Variants in PHACTR1 observed in about 807,000 individuals in gnomAD.
PHACTR1 encodes RPEL repeat containing 1.
Under a neutral mutation model 69.2 loss-of-function variants are expected in PHACTR1, and 16 were observed. The ratio of observed to expected loss-of-function variants is 0.23; its 90% CI spans 0.16 to 0.35. The LOEUF is 0.35. Ranked by LOEUF, PHACTR1 falls within the 10% of genes least tolerant of loss-of-function variation. The probability of loss-of-function intolerance (pLI) is 1.00; values close to 1 mark genes in which losing one functional copy is unlikely to be tolerated. For missense variants in PHACTR1, 510 were observed against 734.7 expected (o/e 0.69, Z 3.54); for synonymous variants, 312 against 284.5 (o/e 1.10, Z -0.97).
At chr6:12,954,341 G>A (rs1371094907) in intron 4 of PHACTR1, among the ~76,000 whole-genome samples, 1 of 151,678 alleles carries the variant, frequency 6.6e-6, no homozygotes, top group Non-Finnish European at 1.5e-5. Flanking sequence ...AAGCTGAGAA[G>A]CTATATGATT....
intron 4 of PHACTR1, among the ~76,000 whole-genome samples, chr6:12,955,484 C>G (rs1053340747): frequency 1.3e-5 from 2 of 152,068 alleles, no homozygotes; most frequent in Non-Finnish European, 2.9e-5. Context: ...AGCCACCATG[C>G]CTGGCCCCAC....
chr6:12,752,408 T>C (rs1285581558), intron 4 of PHACTR1, among the ~76,000 whole-genome samples: 1 of 152,210 alleles, frequency 6.6e-6, no homozygotes, highest in Non-Finnish European at 1.5e-5. Flanking sequence ...TATGAACACT[T>C]AAGCAAGTCC....
At chr6:12,924,157 T>C (rs1430299942) in intron 4 of PHACTR1, among the ~76,000 whole-genome samples, 1 of 152,210 alleles carries the variant, frequency 6.6e-6, no homozygotes, top group East Asian at 1.9e-4. Flanking sequence ...TAAATTGACC[T>C]ACTTTATAAA....
chr6:13,131,013 G>C (rs978522829), intron 5 of PHACTR1, among the ~76,000 whole-genome samples: 2 of 151,896 alleles, frequency 1.3e-5, no homozygotes, highest in African/African-American at 4.8e-5. Flanking sequence ...ATATACAAGT[G>C]AATAAATGTG....
At chr6:13,032,732 C>A (rs891617596) in intron 4 of PHACTR1, among the ~76,000 whole-genome samples, 3 of 151,960 alleles carry the variant, frequency 2.0e-5, no homozygotes, top group Admixed American at 2.0e-4. Context: ...CCTCCCGCCT[C>A]GGCCTCACGA....
intron 10 of PHACTR1, among the ~76,000 whole-genome samples, chr6:13,252,192 A>G (rs1341287907): frequency 1.3e-5 from 2 of 150,706 alleles, no homozygotes; most frequent in African/African-American, 2.4e-5. Context: ...CCTGAGCAAC[A>G]TGGCAAACCC....
At chr6:13,270,368 T>C (rs987088296) in intron 10 of PHACTR1, among the ~76,000 whole-genome samples, 3 of 152,158 alleles carry the variant, frequency 2.0e-5, no homozygotes, top group Non-Finnish European at 4.4e-5. Flanking sequence ...TTTAAGAGTT[T>C]CCATAGAACT....
chr6:13,181,462 T>C (rs1178336234), intron 6 of PHACTR1, among the ~76,000 whole-genome samples: 1 of 152,222 alleles, frequency 6.6e-6, no homozygotes, highest in African/African-American at 2.4e-5. Flanking sequence ...CTTTCAGTCC[T>C]CTTTAAAAAT....
At chr6:13,177,387 A>G (rs1031679636) in intron 6 of PHACTR1, among the ~76,000 whole-genome samples, 4 of 147,624 alleles carry the variant, frequency 2.7e-5, no homozygotes, top group African/African-American at 1.0e-4. Flanking sequence ...CTCTCTATAT[A>G]TATATACACA....
chr6:12,750,260 C>T (rs1766442378), intron 4 of PHACTR1, among the ~76,000 whole-genome samples: 3 of 152,282 alleles, frequency 2.0e-5, no homozygotes, highest in Admixed American at 2.0e-4. Context: ...GGCTGGCCGC[C>T]TGGAACGGAA....
At chr6:12,737,923 A>G (rs1764516111) in intron 3 of PHACTR1, among the ~76,000 whole-genome samples, 1 of 152,218 alleles carries the variant, frequency 6.6e-6, no homozygotes, top group Non-Finnish European at 1.5e-5. Context: ...CCATAACCAC[A>G]GCGCATCTAT....
intron 4 of PHACTR1, among the ~76,000 whole-genome samples, chr6:12,822,442 A>T (rs1776328312): frequency 1.3e-5 from 2 of 152,360 alleles, no homozygotes; most frequent in South Asian, 4.1e-4. Context: ...GCTGGGGCCC[A>T]GCCAGGTGCT....
At chr6:12,881,713 G>T (rs1783113063) in intron 4 of PHACTR1, among the ~76,000 whole-genome samples, 2 of 152,256 alleles carry the variant, frequency 1.3e-5, no homozygotes, top group South Asian at 4.1e-4. Context: ...GCCCAGAAAA[G>T]TGTCTGGAAC....
chr6:13,273,129 G>A (rs892923528), intron 11 of PHACTR1: 16 of 621,010 alleles, frequency 2.6e-5, no homozygotes, highest in Middle Eastern at 4.2e-4. Context: ...AGAAGCTCAC[G>A]GGCGGCAGGC....
At position 13,205,946 on chromosome 6, in the gene PHACTR1, A is replaced by G. The variant is rs1326055657; in HGVS notation, c.796A>G (p.Ser266Gly). The G allele has an allele frequency of 2.5e-6, 4 of 1,613,912 alleles. No individual in the cohort carries two copies. Among genetic ancestry groups the G allele is most frequent in the Non-Finnish European group, 2.5e-6 (3 of 1,179,904 alleles). Residue 266 changes from serine (S) to glycine (G), a missense_variant, in exon 8 of 15, where the codon AGT (serine) becomes GGT (glycine). Transcript: ENST00000332995. ...LSLVSYTAQK[S>G]GQQGVAQHHH... ...ACTGGTGTCCTACACAGCCCAGAAG[A>G]GTGGCCAGCAGGGTGTGGCCCAGCA...
intron 8 of PHACTR1, among the ~76,000 whole-genome samples, chr6:13,215,119 A>G (rs1201432403): frequency 8.5e-5 from 13 of 152,246 alleles, no homozygotes. Flanking sequence ...AAAAGAAAGG[A>G]TGGTACCTGT....
At position 13,281,486 on chromosome 6, in the gene PHACTR1, G is replaced by A. The variant is rs142842445; in HGVS notation, c.1510-1936G>A. ...GGAGAGTTACTTGCACCCAAGAGGC[G>A]GAGGTTGCAGTGAGCCGAGATCATT... On this transcript the variant is annotated intron_variant, in intron 12 of 14. Coordinates refer to ENST00000332995, the MANE Select transcript of PHACTR1 (RefSeq NM_030948.6). The A allele has an allele frequency of 2.1e-3, 684 of 330,176 alleles. 11 individuals are homozygous for A. In the East Asian group the frequency reaches 0.038, roughly 19 times the overall value. The allele number at this position is 330,176 out of a possible 1,614,324, so 20.5% of individuals were successfully genotyped here. A position where few individuals can be genotyped will look rare whatever the true frequency, so the allele number is the denominator to read the frequency against.
At chr6:13,225,111 CTGTGGTTCTCCA>C (rs1256175622) in intron 8 of PHACTR1, among the ~76,000 whole-genome samples, 1 of 152,186 alleles carries the variant, frequency 6.6e-6, no homozygotes, top group African/African-American at 2.4e-5. Context: ...TCTTGCTCTC[CTGTGGTTCTCCA>C]TAGTTACAAA....
Position 13,179,134 on chromosome 6 carries a change from G to C in PHACTR1, c.497-3385G>C, listed in dbSNP as rs1223555. Among the ~76,000 whole-genome samples, 3,477 of 152,174 alleles carry C rather than the reference G, an allele frequency of 0.023. 129 individuals carry two copies. The highest frequency in any genetic ancestry group is 0.079 in the African/African-American group (3,293 of 41,500). On this transcript the variant is annotated intron_variant, in intron 6 of 14. Coordinates refer to ENST00000332995, the MANE Select transcript of PHACTR1 (RefSeq NM_030948.6). This position sits in a 1 kb window ranked among gnomAD's most constrained non-coding sequence, Gnocchi z 4.2. ...GCCTGTGGTCCCAGCTACTCTGGGG[G>C]CTGAGGTGAGAGTATCACTTGAGCC...
Sources: gnomAD v4.1 joint callset for allele counts (sites outside exome capture counted in the v4.1 genomes callset) on GRCh38, gnomAD v4.1.1 for gene constraint, Gnocchi (gnomAD v3.1) non-coding constraint, MANE v1.5 for transcripts, NCBI Gene and HGNC (gene_info 2026-07-23, HGNC 2026-07-21) for gene names.